The following UBE3B variants were observed in gnomAD, a reference collection of about 807,000 sequenced individuals.
The protein encoded by UBE3B is ubiquitin protein ligase E3B, also known as ubiquitin-protein ligase E3B.
UBE3B carries 80 observed loss-of-function variants against 132.3 expected under a neutral mutation model. That is an observed-to-expected ratio of 0.60 (90% confidence interval 0.50 to 0.73). The LOEUF is 0.73. UBE3B is among the 30% of genes least tolerant of loss of function. UBE3B has a pLI of 0.00. For synonymous variants in UBE3B, 487 were observed against 520.4 expected (o/e 0.94, Z 0.87); for missense variants, 1,196 against 1,362.5 (o/e 0.88, Z 1.92).
chr12:109,497,171 A>C (rs1165404415), intron 9 of UBE3B, among the ~76,000 whole-genome samples: 1 of 152,098 alleles, frequency 6.6e-6, no homozygotes, highest in African/African-American at 2.4e-5. Flanking sequence ...GCAGAAAAAC[A>C]TAAAAAAGAA....
intron 24 of UBE3B, among the ~76,000 whole-genome samples, chr12:109,527,307 C>T (rs960087571): frequency 6.6e-6 from 1 of 152,198 alleles, no homozygotes; most frequent in Non-Finnish European, 1.5e-5. Context: ...CCACTCGGCC[C>T]TATTGTCACC....
the UBE3B span, among the ~76,000 whole-genome samples, chr12:109,542,633 C>A: frequency 6.6e-6 from 1 of 152,104 alleles, no homozygotes; most frequent in Non-Finnish European, 1.5e-5. Context: ...GGTGTCCTTA[C>A]AGAAAGAGAG....
intron 9 of UBE3B, chr12:109,491,814 T>A (rs1877503630): frequency 6.6e-6 from 1 of 152,246 alleles, no homozygotes; most frequent in African/African-American, 2.4e-5. Flanking sequence ...GGATCTACAG[T>A]ACACCTTCAT....
intron 16 of UBE3B, 49 bp from the exon 17 acceptor site, chr12:109,510,295 T>C: frequency 6.8e-7 from 1 of 1,461,084 alleles, no homozygotes; most frequent in Non-Finnish European, 9.4e-7. Flanking sequence ...CTCCCCTTGC[T>C]CTCTGGCTCT....
At chr12:109,496,202 GTAATA>G (rs1363693954) in intron 9 of UBE3B, among the ~76,000 whole-genome samples, 1 of 152,108 alleles carries the variant, frequency 6.6e-6, no homozygotes, top group African/African-American at 2.4e-5. Context: ...TTCACTTTGC[GTAATA>G]TAATCAGAGT....
intron 8 of UBE3B, 132 bp from the exon 9 acceptor site, chr12:109,490,913 G>A: frequency 1.8e-6 from 2 of 1,139,426 alleles, no homozygotes; most frequent in South Asian, 3.3e-5. Flanking sequence ...GGGACTGTAG[G>A]TACAAGCCAC....
At chr12:109,488,447 A>G (rs1022660042) in intron 6 of UBE3B, 125 bp from the exon 7 acceptor site, 7 of 860,514 alleles carry the variant, frequency 8.1e-6, no homozygotes, top group Non-Finnish European at 1.3e-5. Context: ...AAGAATTAAG[A>G]CTGACTTATA....
Position 109,499,760 on chromosome 12 carries a change from G to A in UBE3B, c.1068G>A (p.Leu356=), listed in dbSNP as rs1878723639. 2 of 1,611,334 alleles carry A rather than the reference G, an allele frequency of 1.2e-6. No homozygotes were observed. Among genetic ancestry groups the A allele is most frequent in the Admixed American group, 3.3e-5 (2 of 59,800 alleles). The part of the protein sequence containing the change: ...RKYVSQKKSN[L]THWHPVLGWF... ...ATGTGTCTCAGAAGAAGTCCAACCT[G>A]ACCCACTGGCATCCTGTCCTTGGCT... The change falls in exon 12 of 28, where the codon CTG becomes CTA. Residue 356 remains leucine, a synonymous_variant. Coordinates refer to ENST00000342494, the MANE Select transcript of UBE3B (RefSeq NM_130466.4).
chr12:109,500,847 G>A (rs577240291), intron 12 of UBE3B, among the ~76,000 whole-genome samples: 48 of 152,320 alleles, frequency 3.2e-4, no homozygotes, highest in African/African-American at 1.1e-3. Flanking sequence ...CAGGGGTGGC[G>A]GCTATTAACA....
At chr12:109,517,901 T>A in intron 19 of UBE3B, 2 of 439,530 alleles carry the variant, frequency 4.6e-6, no homozygotes, top group Non-Finnish European at 9.3e-6. Context: ...CTTGTTTGTG[T>A]CACTCCTTAC....
chr12:109,511,453 G>T (rs890551727), intron 18 of UBE3B, 150 bp downstream of exon 18: 11 of 697,592 alleles, frequency 1.6e-5, no homozygotes, highest in Non-Finnish European at 2.6e-5. Flanking sequence ...CTTTGGTGAG[G>T]TTACACCCAG....
rs770721812 is a variant in UBE3B, at chr12:109,499,860, T to A, written c.1118+50T>A. The A allele has an allele frequency of 2.1e-5, 30 of 1,434,490 alleles. No homozygotes were observed. The South Asian group carries it at 2.3e-4, about 11-fold the overall frequency. 88.9% of individuals were successfully genotyped at this position (1,434,490 alleles called of 1,614,324 possible). ...TCTTTCCTGCCTCTCTCCCACCATC[T>A]TCTTCTTCCTTCTTTCTTTCTTCCA... On this transcript the variant is annotated intron_variant, in intron 12 of 27. Transcript: ENST00000342494.
rs755644890 is a variant in UBE3B at position 109,521,193 on chromosome 12, G to A, written c.2122G>A (p.Gly708Arg). The change falls in exon 20 of 28, where the codon GGG becomes AGG. Residue 708 changes from glycine (G) to arginine (R), a missense_variant. Gly to Arg is a moderately radical substitution (Grantham distance 125, BLOSUM62 -2). Coordinates refer to ENST00000342494, the MANE Select transcript of UBE3B (RefSeq NM_130466.4). The surrounding 1 kb of genome is among the most constrained non-coding windows in gnomAD (Gnocchi z 4.2). Reference sequence around the variant, plus strand: ...GCAGCTCTCCCAGCACGCCATGAAGGGGGTCATCCGTGTGAAGTTTGTCAA... The same window carrying A: ...GCAGCTCTCCCAGCACGCCATGAAGAGGGTCATCCGTGTGAAGTTTGTCAA... ...LRQLSQHAMK[G>R]VIRVKFVNDL... 1.9e-5 allele frequency: 30 copies of A among 1,614,086 alleles called. No homozygotes were observed. The highest frequency in any genetic ancestry group is 2.5e-5 in the Non-Finnish European group (29 of 1,180,040).
intron 8 of UBE3B, chr12:109,490,540 C>T (rs1469798552): frequency 6.5e-7 from 1 of 1,535,928 alleles, no homozygotes; most frequent in Non-Finnish European, 8.7e-7. Flanking sequence ...CTCACAACAA[C>T]CCTGTGAGGT....
intron 19 of UBE3B, chr12:109,520,911 C>T: frequency 2.2e-6 from 1 of 462,346 alleles, no homozygotes; most frequent in Non-Finnish European, 3.9e-6. Context: ...GCTCTGTCCC[C>T]TTGAGGTCAG....
intron 6 of UBE3B, 23 bp downstream of exon 6, chr12:109,486,598 A>G: frequency 6.6e-7 from 1 of 1,509,260 alleles, no homozygotes; most frequent in Non-Finnish European, 9.0e-7. Context: ...AAAAAAAAAA[A>G]AAAAAGCAAA....
the UBE3B span, among the ~76,000 whole-genome samples, chr12:109,545,085 C>T: frequency 1.4e-3 from 214 of 152,320 alleles, 1 homozygote; most frequent in Non-Finnish European, 2.4e-3. Context: ...CTTCCCTGAT[C>T]GTCAGAGGCC....
chr12:109,545,554 G>T, the UBE3B span, among the ~76,000 whole-genome samples: 1 of 152,174 alleles, frequency 6.6e-6, no homozygotes, highest in Non-Finnish European at 1.5e-5. Context: ...CATGCCCAAG[G>T]CCCCAGAGTC....
At chr12:109,513,134 G>T (rs1335732449) in intron 18 of UBE3B, among the ~76,000 whole-genome samples, 1 of 152,148 alleles carries the variant, frequency 6.6e-6, no homozygotes, top group East Asian at 1.9e-4. Flanking sequence ...ATAGGCTCCA[G>T]CCTTCATCTC....
Sources: allele counts gnomAD v4.1 joint callset (sites outside exome capture counted in the v4.1 genomes callset), GRCh38; gene constraint gnomAD v4.1.1; non-coding constraint Gnocchi (gnomAD v3.1); transcripts MANE v1.5; gene names NCBI Gene and HGNC (gene_info 2026-07-23, HGNC 2026-07-21).